The following NUDT9 variants were observed in gnomAD, a reference collection of about 807,000 sequenced individuals.
The protein encoded by NUDT9 is nudix hydrolase 9.
In NUDT9, 31 loss-of-function variants were observed where a neutral mutation model predicts 41.0. The observed-to-expected ratio is 0.76, with a 90% confidence interval of 0.57 to 1.02. NUDT9 has a LOEUF of 1.02. Ranked by LOEUF, NUDT9 falls within the 50% of genes least tolerant of loss-of-function variation. NUDT9 has a pLI of 0.00. For synonymous variants in NUDT9, 146 were observed against 147.6 expected, an observed-to-expected ratio of 0.99 and a Z score of 0.08; for missense variants, 380 against 431.4, an observed-to-expected ratio of 0.88 and a Z score of 1.06.
chr4:87,435,582 G>A (rs1222415110), intron 2 of NUDT9, among the ~76,000 whole-genome samples: 1 of 152,110 alleles, frequency 6.6e-6, no homozygotes, highest in African/African-American at 2.4e-5. Flanking sequence ...ATCCTTTGTG[G>A]TTATTTTCCA....
intron 7 of NUDT9, among the ~76,000 whole-genome samples, chr4:87,455,141 TC>T (rs914623033): frequency 5.3e-5 from 8 of 152,252 alleles, no homozygotes; most frequent in Non-Finnish European, 1.2e-4. Flanking sequence ...AAATGAATGT[TC>T]CACTCATAGT....
intron 4 of NUDT9, among the ~76,000 whole-genome samples, chr4:87,444,351 T>C (rs996322626): frequency 6.6e-6 from 1 of 152,122 alleles, no homozygotes; most frequent in African/African-American, 2.4e-5. Context: ...CCGGTCTTAT[T>C]TTCTTACTTG....
At chr4:87,436,999 A>G (rs547084798) in intron 2 of NUDT9, among the ~76,000 whole-genome samples, 1 of 152,258 alleles carries the variant, frequency 6.6e-6, no homozygotes, top group Admixed American at 6.5e-5. Context: ...CTGTAATCCC[A>G]GCACTTTGGG....
At chr4:87,451,192 AC>A (rs1372101627) in intron 5 of NUDT9, among the ~76,000 whole-genome samples, 25 of 152,358 alleles carry the variant, frequency 1.6e-4, no homozygotes, top group African/African-American at 5.5e-4. Context: ...AATAGCAGGT[AC>A]AAAGGCTCTC....
intron 1 of NUDT9, among the ~76,000 whole-genome samples, chr4:87,432,604 C>T (rs1176300345): frequency 6.6e-6 from 1 of 152,084 alleles, no homozygotes; most frequent in Non-Finnish European, 1.5e-5. Flanking sequence ...AGAGGAAAAA[C>T]TTCCAGTCTT....
Position 87,441,846 on chromosome 4 carries a change from C to G in NUDT9, c.461C>G (p.Thr154Ser). Reference sequence around the variant, plus strand: ...TTTTCCAGAAATCCTGCAGGACGGACTGGACTGGTGGGCCGGGGGCTTTTG... The same window carrying G: ...TTTTCCAGAAATCCTGCAGGACGGAGTGGACTGGTGGGCCGGGGGCTTTTG... The part of the protein sequence containing the change: ...NGRPRNPAGR[T>S]GLVGRGLLGR... Residue 154 changes from threonine to serine, a missense_variant, in exon 4 of 8, where the codon ACT becomes AGT. Thr to Ser is a moderately conservative substitution (Grantham distance 58, BLOSUM62 1). Coordinates refer to ENST00000302174, the MANE Select transcript of NUDT9 (RefSeq NM_024047.5). The G allele has an allele frequency of 6.2e-7, 1 of 1,613,616 alleles. No homozygotes were observed. Among genetic ancestry groups the G allele is most frequent in the Non-Finnish European group, 8.5e-7 (1 of 1,179,794 alleles).
chr4:87,438,706 A>G (rs1722065405), intron 3 of NUDT9, among the ~76,000 whole-genome samples: 1 of 152,254 alleles, frequency 6.6e-6, no homozygotes, highest in Admixed American at 6.5e-5. Context: ...ATGGTATAGT[A>G]TCTTAAAGTA....
intron 4 of NUDT9, among the ~76,000 whole-genome samples, chr4:87,445,002 G>A (rs1722382879): frequency 6.6e-6 from 1 of 152,166 alleles, no homozygotes; most frequent in Non-Finnish European, 1.5e-5. Flanking sequence ...ATGGAACAGA[G>A]AAGAATGAAA....
At position 87,429,250 on chromosome 4, in the gene NUDT9, CAG is replaced by C. The variant is rs570826037; in HGVS notation, c.108-5730_108-5729del. On this transcript the variant is annotated intron_variant, in intron 1 of 7. Transcript: ENST00000302174. Reference sequence around the variant, plus strand: ...CACTGCAGCCTTGACCTCCTGGACTCAGGAGATCCTCCCACCTCAGCTTCCTG... The same window carrying C: ...CACTGCAGCCTTGACCTCCTGGACTCGAGATCCTCCCACCTCAGCTTCCTG... Among the ~76,000 whole-genome samples the C allele has an allele frequency of 3.7e-3, 568 of 152,180 alleles. 3 individuals are homozygous for C. The highest frequency in any genetic ancestry group is 0.013 in the African/African-American group (547 of 41,520).
At chr4:87,433,162 A>T (rs972253133) in intron 1 of NUDT9, among the ~76,000 whole-genome samples, 2 of 152,088 alleles carry the variant, frequency 1.3e-5, no homozygotes, top group African/African-American at 4.8e-5. Context: ...TAGATACTTT[A>T]AAAAAATTCA....
In NUDT9 at chr4:87,440,675, G is replaced by A. The variant is rs145813168; in HGVS notation, c.444-1154G>A. On this transcript the variant is annotated intron_variant, in intron 3 of 7. Transcript: ENST00000302174. ...AGCCTGACCAACATGGTGAAACCCT[G>A]TCTCTACTAAAAATGCGAAAATTAG... Among the ~76,000 whole-genome samples the A allele has an allele frequency of 1.7e-3, 259 of 152,158 alleles. 1 individual carries two copies. Among genetic ancestry groups the A allele is most frequent in the African/African-American group, 5.8e-3 (239 of 41,510 alleles).
chr4:87,434,870 C>T (rs747923381), intron 1 of NUDT9, 111 bp from the exon 2 acceptor site: 90 of 877,900 alleles, frequency 1.0e-4, no homozygotes, highest in Admixed American at 1.1e-4. Context: ...CCACCTACCT[C>T]GGCCTCACAA....
chr4:87,425,391 CTTTTTTTTTTT>C (rs70957241), intron 1 of NUDT9, among the ~76,000 whole-genome samples: 13 of 116,722 alleles, frequency 1.1e-4, no homozygotes, highest in African/African-American at 3.9e-4. Context: ...TGTTCTTTTC[CTTTTTTTTTTT>C]TTTTTTTTTG....
intron 7 of NUDT9, among the ~76,000 whole-genome samples, chr4:87,457,236 A>ATTTT (rs34596563): frequency 2.4e-5 from 3 of 126,648 alleles, no homozygotes; most frequent in Non-Finnish European, 3.3e-5. Flanking sequence ...GATAATTTAA[A>ATTTT]TTTTTTTTTT....
intron 7 of NUDT9, among the ~76,000 whole-genome samples, chr4:87,455,658 C>CTTTTTT (rs535251267): frequency 1.5e-5 from 2 of 130,426 alleles, no homozygotes; most frequent in East Asian, 4.4e-4. Flanking sequence ...TTTCTTTTTT[C>CTTTTTT]TTTTTTTTTT....
At chr4:87,439,788 A>G (rs1179438640) in intron 3 of NUDT9, among the ~76,000 whole-genome samples, 1 of 152,226 alleles carries the variant, frequency 6.6e-6, no homozygotes, top group Non-Finnish European at 1.5e-5. Flanking sequence ...TCGAGAATTA[A>G]AATTTGAGGT....
rs373007844 is a variant in NUDT9 at position 87,454,778 on chromosome 4, G to A, written c.874+323G>A. On this transcript the variant is annotated intron_variant, in intron 7 of 7. Transcript: ENST00000302174. ...AGTTCCCTTTTTTTGCAAAACAAAA[G>A]CAACTGGGATTTGGGTAGGAAGTAT... Among the ~76,000 whole-genome samples, 84 of 152,258 alleles carry A rather than the reference G, an allele frequency of 5.5e-4. 1 individual carries two copies. In the East Asian group the frequency reaches 0.013, roughly 23 times the overall value.
chr4:87,437,436 G>A (rs989388528), intron 2 of NUDT9, among the ~76,000 whole-genome samples: 7 of 151,944 alleles, frequency 4.6e-5, no homozygotes, highest in Non-Finnish European at 7.4e-5. Context: ...CACCTCCTGG[G>A]TTCACGCCAT....
chr4:87,424,799 C>A (rs1401777440), intron 1 of NUDT9, among the ~76,000 whole-genome samples: 1 of 152,132 alleles, frequency 6.6e-6, no homozygotes, highest in African/African-American at 2.4e-5. Context: ...TTGTTAGATG[C>A]CAGCAGAACA....
Sources: allele counts gnomAD v4.1 joint callset (sites outside exome capture counted in the v4.1 genomes callset), GRCh38; gene constraint gnomAD v4.1.1; transcripts MANE v1.5; gene names NCBI Gene and HGNC (gene_info 2026-07-23, HGNC 2026-07-21).